The following ADCY8 variants were observed in gnomAD, a reference collection of about 807,000 sequenced individuals.
ADCY8 encodes the protein adenylate cyclase 8, also known as adenylate cyclase type 8.
Under a neutral mutation model 119.7 loss-of-function variants are expected in ADCY8, and 51 were observed. That is an observed-to-expected ratio of 0.43 (90% CI 0.34 to 0.54). The LOEUF is 0.54. Among genes scored for constraint, ADCY8 ranks in the 20% least tolerant of loss-of-function variants. The pLI is 0.03. For synonymous variants in ADCY8, 665 were observed against 651.0 expected, an observed-to-expected ratio of 1.02 and a Z score of -0.33; for missense variants, 1,383 against 1,598.8, an observed-to-expected ratio of 0.87 and a Z score of 2.30.
intron 2 of ADCY8, among the ~76,000 whole-genome samples, chr8:130,983,528 G>A (rs758059569): frequency 5.3e-5 from 8 of 152,292 alleles, no homozygotes; most frequent in Middle Eastern, 3.4e-3. Context: ...AGGCATAGAC[G>A]TGCGGGGCAT....
intron 15 of ADCY8, among the ~76,000 whole-genome samples, chr8:130,790,362 T>A (rs1230054586): frequency 6.6e-6 from 1 of 152,170 alleles, no homozygotes; most frequent in East Asian, 1.9e-4. Context: ...CCTATCTCCT[T>A]GTTTTTAATA....
At chr8:131,032,885 A>G (rs1824037913) in intron 1 of ADCY8, among the ~76,000 whole-genome samples, 1 of 152,152 alleles carries the variant, frequency 6.6e-6, no homozygotes, top group Non-Finnish European at 1.5e-5. Flanking sequence ...CCCCACAAAA[A>G]TCCTGGGAAG....
intron 8 of ADCY8, among the ~76,000 whole-genome samples, chr8:130,883,691 T>G (rs1192274008): frequency 6.6e-6 from 1 of 152,166 alleles, no homozygotes; most frequent in East Asian, 1.9e-4. Flanking sequence ...CTCCTGCAGA[T>G]GCCAGGCACC....
chr8:130,885,950 A>G (rs567141819), intron 7 of ADCY8, among the ~76,000 whole-genome samples: 1 of 152,194 alleles, frequency 6.6e-6, no homozygotes, highest in South Asian at 2.1e-4. Context: ...TCCTCTTGCC[A>G]AACCTTCAGA....
intron 2 of ADCY8, among the ~76,000 whole-genome samples, chr8:130,989,555 A>G (rs1394466793): frequency 2.0e-5 from 3 of 152,210 alleles, no homozygotes; most frequent in Non-Finnish European, 2.9e-5. Flanking sequence ...ATATATCTAC[A>G]AGCATAAAAT....
chr8:130,919,166 A>G (rs1237467058), intron 5 of ADCY8, among the ~76,000 whole-genome samples: 1 of 152,186 alleles, frequency 6.6e-6, no homozygotes, highest in Non-Finnish European at 1.5e-5. Context: ...AAACTGGGAG[A>G]GTCATTTAAC....
chr8:130,950,793 G>A (rs1039065691), intron 3 of ADCY8, among the ~76,000 whole-genome samples: 8 of 152,240 alleles, frequency 5.3e-5, no homozygotes, highest in East Asian at 3.9e-4. Flanking sequence ...TCCACCTCCC[G>A]GGTTCAAGCA....
At chr8:130,787,671 C>A (rs2130057976) in intron 15 of ADCY8, among the ~76,000 whole-genome samples, 1 of 142,314 alleles carries the variant, frequency 7.0e-6, no homozygotes, top group East Asian at 2.0e-4. Context: ...TGTTTATGTG[C>A]ACATGTATGT....
chr8:130,856,025 C>A (rs1263690550), intron 9 of ADCY8, among the ~76,000 whole-genome samples: 1 of 152,056 alleles, frequency 6.6e-6, no homozygotes, highest in Non-Finnish European at 1.5e-5. Context: ...AACTTCACAA[C>A]TCCTATCCTT....
At chr8:130,880,995 T>C (rs139256143) in intron 8 of ADCY8, among the ~76,000 whole-genome samples, 1 of 152,296 alleles carries the variant, frequency 6.6e-6, no homozygotes, top group Non-Finnish European at 1.5e-5. Flanking sequence ...GTCATGAGCA[T>C]ACTGTTCTGA....
intron 2 of ADCY8, among the ~76,000 whole-genome samples, chr8:130,978,009 A>G (rs1489858590): frequency 1.3e-5 from 2 of 152,220 alleles, no homozygotes; most frequent in Non-Finnish European, 2.9e-5. Context: ...GGAATGAGTT[A>G]GTGGCAGGCC....
At chr8:130,943,880 G>A (rs1413238367) in intron 3 of ADCY8, among the ~76,000 whole-genome samples, 2 of 152,228 alleles carry the variant, frequency 1.3e-5, no homozygotes, top group African/African-American at 2.4e-5. Context: ...GGGCAGAACC[G>A]AAAACCTCAT....
chr8:130,891,348 T>C (rs963009965), intron 7 of ADCY8, among the ~76,000 whole-genome samples: 1 of 152,162 alleles, frequency 6.6e-6, no homozygotes, highest in Non-Finnish European at 1.5e-5. Flanking sequence ...CTTTCTCTAC[T>C]GTTTGTTAAA....
intron 13 of ADCY8, among the ~76,000 whole-genome samples, chr8:130,818,718 G>A (rs1423714488): frequency 2.0e-5 from 3 of 152,154 alleles, no homozygotes; most frequent in Non-Finnish European, 2.9e-5. Context: ...AGGCTTGATC[G>A]GAGATTAACA....
chr8:130,947,495 C>T (rs145750161), intron 3 of ADCY8, among the ~76,000 whole-genome samples: 384 of 152,246 alleles, frequency 2.5e-3, no homozygotes, highest in African/African-American at 8.6e-3. Flanking sequence ...AACTGCCATG[C>T]GGATGGATCT....
At position 130,978,657 on chromosome 8, in the gene ADCY8, TCTAAGA is replaced by T. The variant is rs145053087; in HGVS notation, c.1110+11730_1110+11735del. ...GATATGAAGACATGACATATATAAC[TCTAAGA>T]CTAAGTTGGAAACTGCCAAGCTTAC... On this transcript the variant is annotated intron_variant, in intron 2 of 17. Transcript: ENST00000286355. 4.0e-3 allele frequency among the ~76,000 whole-genome samples: 616 copies of T among 152,294 alleles called. 3 individuals carry two copies. Among genetic ancestry groups the T allele is most frequent in the African/African-American group, 0.014 (596 of 41,574 alleles).
At chr8:130,883,003 T>C (rs922451592) in intron 8 of ADCY8, among the ~76,000 whole-genome samples, 4 of 152,154 alleles carry the variant, frequency 2.6e-5, no homozygotes, top group Non-Finnish European at 5.9e-5. Flanking sequence ...GCAAGTCCCA[T>C]GTTTGTTCAG....
At chr8:131,006,898 T>A (rs1286751511) in intron 1 of ADCY8, among the ~76,000 whole-genome samples, 5 of 152,184 alleles carry the variant, frequency 3.3e-5, no homozygotes, top group Admixed American at 3.3e-4. Context: ...GGATTTCAGT[T>A]TCTTGATGAT....
chr8:130,861,543 CTTAT>C, intron 9 of ADCY8, among the ~76,000 whole-genome samples: 1 of 152,140 alleles, frequency 6.6e-6, no homozygotes, highest in Non-Finnish European at 1.5e-5. Flanking sequence ...TATTCTGTGA[CTTAT>C]TTGTTTATTA....
Sources: allele counts gnomAD v4.1 joint callset (sites outside exome capture counted in the v4.1 genomes callset), GRCh38; gene constraint gnomAD v4.1.1; transcripts MANE v1.5; gene names NCBI Gene and HGNC (gene_info 2026-07-23, HGNC 2026-07-21).